The following LY6S variants were observed in gnomAD, a reference collection of about 807,000 sequenced individuals.
The protein encoded by LY6S is lymphocyte antigen 6S.
At chr8:143,070,777 G>T in the LY6S span, among the ~76,000 whole-genome samples, 2 of 151,926 alleles carry the variant, frequency 1.3e-5, no homozygotes, top group East Asian at 3.9e-4. Flanking sequence ...GAGCCACCGT[G>T]CCCGGCCGCA....
At chr8:143,049,732 GT>G in the LY6S span, among the ~76,000 whole-genome samples, 1 of 152,186 alleles carries the variant, frequency 6.6e-6, no homozygotes, top group Non-Finnish European at 1.5e-5. Context: ...TCCTTTGCAG[GT>G]ACAATAGGGA....
the LY6S span, among the ~76,000 whole-genome samples, chr8:143,043,619 AGGGGAGCT>A: frequency 1.3e-5 from 2 of 151,114 alleles, no homozygotes; most frequent in African/African-American, 4.9e-5. Flanking sequence ...TGGGCTGTGG[AGGGGAGCT>A]GGGTGCTGCT....
the LY6S span, among the ~76,000 whole-genome samples, chr8:143,056,269 A>T: frequency 6.7e-6 from 1 of 149,940 alleles, no homozygotes; most frequent in South Asian, 2.2e-4. Context: ...ATCGGGAAAC[A>T]TATAGACTTT....
chr8:143,052,935 C>G, the LY6S span, among the ~76,000 whole-genome samples: 2 of 152,212 alleles, frequency 1.3e-5, no homozygotes, highest in African/African-American at 4.8e-5. Flanking sequence ...ACCTGAAACT[C>G]AGTGTATTGT....
chr8:143,068,058 G>A, the LY6S span, among the ~76,000 whole-genome samples: 1 of 152,182 alleles, frequency 6.6e-6, no homozygotes, highest in African/African-American at 2.4e-5. Flanking sequence ...GCTGGGGGAT[G>A]TAAGGTCTTT....
At chr8:143,062,416 C>T in the LY6S span, among the ~76,000 whole-genome samples, 1 of 152,292 alleles carries the variant, frequency 6.6e-6, no homozygotes, top group African/African-American at 2.4e-5. Context: ...GCCTGTAATC[C>T]CAGCACTCTG....
the LY6S span, among the ~76,000 whole-genome samples, chr8:143,047,336 G>A: frequency 1.3e-5 from 2 of 151,870 alleles, no homozygotes; most frequent in Admixed American, 6.5e-5. Flanking sequence ...TAGTAGAGAC[G>A]GGGTTTTACC....
chr8:143,044,914 A>G, the LY6S span: 2 of 1,090,370 alleles, frequency 1.8e-6, no homozygotes, highest in Non-Finnish European at 2.4e-6. Flanking sequence ...CCTTGTCCCA[A>G]CCTGCCACCT....
chr8:143,042,892 G>A, the LY6S span: 1 of 709,616 alleles, frequency 1.4e-6, no homozygotes, highest in Non-Finnish European at 2.3e-6. Context: ...TGTTGTTGGG[G>A]GGCATGGGCT....
the LY6S span, among the ~76,000 whole-genome samples, chr8:143,060,894 C>T: frequency 3.3e-5 from 5 of 151,474 alleles, no homozygotes; most frequent in South Asian, 2.1e-4. Context: ...TGATGAATCA[C>T]GTAAAATATA....
At chr8:143,071,292 G>A in the LY6S span, among the ~76,000 whole-genome samples, 3 of 152,208 alleles carry the variant, frequency 2.0e-5, no homozygotes, top group Non-Finnish European at 4.4e-5. Flanking sequence ...CGTTCTCCTG[G>A]CAGCTGTGGT....
the LY6S span, chr8:143,042,949 C>T: frequency 1.6e-5 from 21 of 1,297,170 alleles, no homozygotes; most frequent in South Asian, 4.6e-5. Flanking sequence ...GGGATATGTT[C>T]CCTGACAGGG....
At chr8:143,046,289 G>A in the LY6S span, among the ~76,000 whole-genome samples, 1 of 152,116 alleles carries the variant, frequency 6.6e-6, no homozygotes, top group Non-Finnish European at 1.5e-5. Flanking sequence ...TTATAACAAT[G>A]AGAGGAGGCC....
At chr8:143,053,386 C>G in the LY6S span, 1 of 152,144 alleles carries the variant, frequency 6.6e-6, no homozygotes, top group Non-Finnish European at 1.5e-5. Flanking sequence ...AGATGCTGGT[C>G]TGTGTGCTAG....
chr8:143,058,850 C>T, the LY6S span, among the ~76,000 whole-genome samples: 27 of 152,290 alleles, frequency 1.8e-4, no homozygotes, highest in East Asian at 1.9e-4. Flanking sequence ...TGGCCCTGTC[C>T]GGGCATAACA....
At chr8:143,069,732 C>G in the LY6S span, among the ~76,000 whole-genome samples, 1 of 152,202 alleles carries the variant, frequency 6.6e-6, no homozygotes, top group Non-Finnish European at 1.5e-5. Flanking sequence ...AATCCAGCTA[C>G]TTCCTTTCAC....
the LY6S span, among the ~76,000 whole-genome samples, chr8:143,073,015 C>T: frequency 7.6e-6 from 1 of 131,284 alleles, no homozygotes; most frequent in African/African-American, 2.6e-5. Flanking sequence ...GAGGAGACAG[C>T]CGTCGTCCCC....
At chr8:143,061,971 G>T in the LY6S span, among the ~76,000 whole-genome samples, 10 of 152,148 alleles carry the variant, frequency 6.6e-5, no homozygotes, top group East Asian at 1.9e-3. Flanking sequence ...CAAACACCTG[G>T]AGAATCCACA....
chr8:143,063,552 T>C, the LY6S span, among the ~76,000 whole-genome samples: 1 of 152,192 alleles, frequency 6.6e-6, no homozygotes, highest in Admixed American at 6.5e-5. Context: ...GCAGCATTTC[T>C]TTTTCTGTTG....
Sources: gnomAD v4.1 joint callset for allele counts (sites outside exome capture counted in the v4.1 genomes callset) on GRCh38, gnomAD v4.1.1 for gene constraint, MANE v1.5 for transcripts, NCBI Gene and HGNC (gene_info 2026-07-23, HGNC 2026-07-21) for gene names.